MPHOSPH9: variants seen among roughly 807,000 people sequenced by gnomAD.
MPHOSPH9 encodes M-phase phosphoprotein 9.
MPHOSPH9 carries 88 observed loss-of-function variants against 145.5 expected under a neutral mutation model. That is an observed-to-expected ratio of 0.60 (90% CI 0.51 to 0.72). The LOEUF (loss-of-function observed/expected upper bound fraction) is 0.72. Among genes scored for constraint, MPHOSPH9 ranks in the 30% least tolerant of loss-of-function variants. MPHOSPH9 has a pLI of 0.00. For synonymous variants in MPHOSPH9, 435 were observed against 486.2 expected (o/e 0.89, Z 1.39); for missense variants, 1,238 against 1,386.6 (o/e 0.89, Z 1.70).
chr12:123,236,486 G>C (rs2047851966), upstream of MPHOSPH9, among the ~76,000 whole-genome samples: 1 of 151,896 alleles, frequency 6.6e-6, no homozygotes, highest in Admixed American at 6.6e-5. Flanking sequence ...CCAGCTACTG[G>C]GGAGGCTGAG....
At chr12:123,214,246 G>A (rs1290397044) in intron 7 of MPHOSPH9, among the ~76,000 whole-genome samples, 1 of 152,070 alleles carries the variant, frequency 6.6e-6, no homozygotes, top group East Asian at 1.9e-4. Flanking sequence ...ATTAAGATAA[G>A]AAAGAAAGGT....
intron 13 of MPHOSPH9, among the ~76,000 whole-genome samples, chr12:123,185,906 T>A (rs2045421777): frequency 6.6e-6 from 1 of 151,988 alleles, no homozygotes; most frequent in African/African-American, 2.4e-5. Flanking sequence ...ATGTTAAATT[T>A]CCTGAGGATG....
rs1169126231 is a variant in MPHOSPH9 at position 123,162,142 on chromosome 12, G to A, written c.3106C>T (p.Gln1036Ter). 1 of 1,583,890 alleles carries A rather than the reference G, an allele frequency of 6.3e-7. No homozygotes were observed. The highest frequency in any genetic ancestry group is 8.6e-7 in the Non-Finnish European group (1 of 1,162,574). The change falls in exon 21 of 24, where the codon CAG (glutamine) becomes TAG (stop). Residue 1036 changes from glutamine (Q) to a stop codon, truncating the protein, a stop_gained. Transcript: ENST00000606320. LOFTEE classifies it high-confidence loss of function. ...LQRTNPRKQLQFLPLDDSEEK... is the reference protein window; with the variant it reads ...LQRTNPRKQL ...TCCGAGTCATCTAGAGGAAGAAACTGGAGTTGCTTTCTTGGATTGGTACGT... is the reference window on the plus strand; with the variant it reads ...TCCGAGTCATCTAGAGGAAGAAACTAGAGTTGCTTTCTTGGATTGGTACGT...
intron 13 of MPHOSPH9, among the ~76,000 whole-genome samples, chr12:123,188,271 G>A (rs2045535174): frequency 6.6e-6 from 1 of 152,074 alleles, no homozygotes; most frequent in African/African-American, 2.4e-5. Context: ...AAATAATCTA[G>A]AAAAATAAGA....
chr12:123,209,593 A>T (rs1276627446), intron 8 of MPHOSPH9, among the ~76,000 whole-genome samples: 1 of 151,978 alleles, frequency 6.6e-6, no homozygotes, highest in Non-Finnish European at 1.5e-5. Context: ...TATTTTTAGT[A>T]GAAACGGGGT....
At chr12:123,202,537 G>T in intron 10 of MPHOSPH9, 87 bp downstream of exon 10, 1 of 1,331,776 alleles carries the variant, frequency 7.5e-7, no homozygotes, top group Non-Finnish European at 1.0e-6. Flanking sequence ...AAGACTTTAT[G>T]CAATACTGAA....
chr12:123,213,706 G>T (rs529862628), intron 7 of MPHOSPH9, among the ~76,000 whole-genome samples: 1 of 152,216 alleles, frequency 6.6e-6, no homozygotes, highest in African/African-American at 2.4e-5. Flanking sequence ...TGTAATTCGA[G>T]GAACAATTCA....
rs368379789 is a variant in MPHOSPH9 at position 123,159,159 on chromosome 12, A to AT, written c.3450+1621dup. Among the ~76,000 whole-genome samples, 14 of 151,518 alleles carry AT rather than the reference A, an allele frequency of 9.2e-5. No homozygotes were observed. The highest frequency in any genetic ancestry group is 4.2e-4 in the South Asian group (2 of 4,774). On this transcript the variant is annotated intron_variant, in intron 23 of 23. Coordinates refer to ENST00000606320, the MANE Select transcript of MPHOSPH9 (RefSeq NM_022782.4). This position sits in a 1 kb window ranked among gnomAD's most constrained non-coding sequence, Gnocchi z 4.3. ...TTAAAAAATGATCACATTGGCAGGTATTTTTTTTTATTATTCTTTTTCAGA... is the reference window on the plus strand; with the variant it reads ...TTAAAAAATGATCACATTGGCAGGTATTTTTTTTTTATTATTCTTTTTCAGA...
Position 123,202,232 on chromosome 12 carries a change from C to T in MPHOSPH9, c.1869G>A (p.Gln623=), listed in dbSNP as rs758080486. ...CAGAGATTTCTTTTGCCTCCAGCTT[C>T]TGTTTCAAACTATTTATTTCTGATT... ...YYESEINSLK[Q]KLEAKEISGV... is the part of the protein sequence containing the mutation. The change falls in exon 11 of 24, where the codon CAG becomes CAA. Residue 623 remains glutamine (Q), a synonymous_variant. Coordinates refer to ENST00000606320, the MANE Select transcript of MPHOSPH9 (RefSeq NM_022782.4). The T allele has an allele frequency of 9.3e-6, 15 of 1,613,348 alleles. No homozygotes were observed. The highest frequency in any genetic ancestry group is 2.7e-5 in the African/African-American group (2 of 74,900).
chr12:123,163,862 AC>A, intron 19 of MPHOSPH9, 87 bp downstream of exon 19: 1 of 1,534,678 alleles, frequency 6.5e-7, no homozygotes, highest in South Asian at 1.2e-5. Context: ...TACAAGAGAA[AC>A]CAGAAACAGG....
chr12:123,198,131 G>T, intron 12 of MPHOSPH9, 116 bp downstream of exon 12: 1 of 770,754 alleles, frequency 1.3e-6, no homozygotes, highest in Non-Finnish European at 2.1e-6. Context: ...GAAGCCAACA[G>T]CACTAAAAAT....
intron 16 of MPHOSPH9, among the ~76,000 whole-genome samples, chr12:123,167,921 C>T (rs1414696296): frequency 6.6e-6 from 1 of 152,152 alleles, no homozygotes; most frequent in African/African-American, 2.4e-5. Context: ...GTGAGGTGAC[C>T]CTCTACTCCT....
At chr12:123,198,449 C>A in intron 11 of MPHOSPH9, 115 bp from the exon 12 acceptor site, 1 of 805,176 alleles carries the variant, frequency 1.2e-6, no homozygotes, top group Non-Finnish European at 2.0e-6. Flanking sequence ...CCAGTGTTAA[C>A]TAAGACTCAG....
intron 3 of MPHOSPH9, chr12:123,226,456 C>T: frequency 3.4e-6 from 1 of 294,572 alleles, no homozygotes; most frequent in Non-Finnish European, 5.4e-6. Flanking sequence ...CTATAAAAAA[C>T]TATCAAATCC....
chr12:123,212,181 T>C (rs2046754394), intron 7 of MPHOSPH9, among the ~76,000 whole-genome samples: 1 of 151,614 alleles, frequency 6.6e-6, no homozygotes. Context: ...GGATATGTAG[T>C]GGGGGGTGCG....
intron 5 of MPHOSPH9, among the ~76,000 whole-genome samples, chr12:123,219,580 A>G (rs1240362249): frequency 6.6e-6 from 1 of 151,550 alleles, no homozygotes; most frequent in African/African-American, 2.4e-5. Context: ...AAAGACTAAC[A>G]GTGACTAATA....
chr12:123,178,391 C>G (rs2044977072), intron 15 of MPHOSPH9, among the ~76,000 whole-genome samples: 1 of 152,244 alleles, frequency 6.6e-6, no homozygotes, highest in Admixed American at 6.5e-5. Flanking sequence ...GAAACCTAGA[C>G]AGCATTTCTG....
At position 123,214,888 on chromosome 12, in the gene MPHOSPH9, C is replaced by T. The variant is rs2046893747; in HGVS notation, c.997-54G>A. 3 of 1,423,944 alleles carry T rather than the reference C, an allele frequency of 2.1e-6. No individual in the cohort carries two copies. The East Asian group carries it at 6.9e-5, about 33-fold the overall frequency. 88.2% of individuals were successfully genotyped at this position (1,423,944 alleles called of 1,614,324 possible). On this transcript the variant is annotated intron_variant, in intron 6 of 23. Transcript: ENST00000606320. ...GCTAAAAGTCATTAGGCACAATCTG[C>T]TGACCCAAGAAATGAGAGCCAGGCC... is the stretch of plus-strand genomic sequence containing the variant.
chr12:123,205,694 T>C (rs1399822049), intron 8 of MPHOSPH9, among the ~76,000 whole-genome samples: 1 of 152,160 alleles, frequency 6.6e-6, no homozygotes, highest in African/African-American at 2.4e-5. Flanking sequence ...TCTGGGGGAA[T>C]AGTTGGGGTT....
Sources: gnomAD v4.1 joint callset for allele counts (sites outside exome capture counted in the v4.1 genomes callset) on GRCh38, gnomAD v4.1.1 for gene constraint, Gnocchi (gnomAD v3.1) non-coding constraint, MANE v1.5 for transcripts, NCBI Gene and HGNC (gene_info 2026-07-23, HGNC 2026-07-21) for gene names.